The following NEBL variants were observed in gnomAD, a reference collection of about 807,000 sequenced individuals.
NEBL encodes the protein LIM and SH3 protein 2.
In NEBL, 122 loss-of-function variants were observed where a neutral mutation model predicts 140.2. The observed-to-expected ratio is 0.87, with a 90% CI of 0.75 to 1.01. The LOEUF is 1.01. NEBL is among the 50% of genes least tolerant of loss of function. NEBL has a pLI of 0.00. For synonymous variants in NEBL, 436 were observed against 398.9 expected (o/e 1.09, Z -1.11); for missense variants, 1,365 against 1,231.3 (o/e 1.11, Z -1.62).
chr10:21,196,282 G>T (rs1193626281), intron 3 of NEBL, among the ~76,000 whole-genome samples: 1 of 151,478 alleles, frequency 6.6e-6, no homozygotes, highest in South Asian at 2.1e-4. Flanking sequence ...GATTATAGGC[G>T]TGAGCCACCA....
At chr10:20,846,956 C>G (rs961620753) in intron 11 of NEBL, among the ~76,000 whole-genome samples, 1 of 151,998 alleles carries the variant, frequency 6.6e-6, no homozygotes, top group Non-Finnish European at 1.5e-5. Context: ...AAAACACACA[C>G]ATTAAGCCTA....
chr10:21,201,556 C>G (rs1291651506), intron 3 of NEBL, among the ~76,000 whole-genome samples: 1 of 152,132 alleles, frequency 6.6e-6, no homozygotes, highest in Non-Finnish European at 1.5e-5. Flanking sequence ...AAACACAAAA[C>G]TAGCTATGAA....
chr10:21,162,825 T>C (rs1459350233), intron 2 of NEBL, among the ~76,000 whole-genome samples: 1 of 152,224 alleles, frequency 6.6e-6, no homozygotes, highest in Non-Finnish European at 1.5e-5. Context: ...AAGGTAGGCA[T>C]AGCCTTACAG....
At chr10:21,209,203 G>A (rs765465523) in intron 3 of NEBL, among the ~76,000 whole-genome samples, 111 of 152,244 alleles carry the variant, frequency 7.3e-4, no homozygotes, top group Non-Finnish European at 1.2e-3. Flanking sequence ...AAGTTTAGTC[G>A]CTTTTTAAAA....
chr10:21,215,964 C>A (rs1038229059), intron 3 of NEBL, among the ~76,000 whole-genome samples: 3 of 152,222 alleles, frequency 2.0e-5, no homozygotes, highest in African/African-American at 7.2e-5. Flanking sequence ...AGCCACCGCA[C>A]CTGCCCTCCC....
At chr10:20,837,547 T>A (rs1841018368) in intron 13 of NEBL, among the ~76,000 whole-genome samples, 1 of 152,202 alleles carries the variant, frequency 6.6e-6, no homozygotes, top group South Asian at 2.1e-4. Context: ...CAGCAAGTGC[T>A]GATGGAGAAG....
At chr10:20,975,224 G>T (rs955905085) in intron 3 of NEBL, among the ~76,000 whole-genome samples, 1 of 152,166 alleles carries the variant, frequency 6.6e-6, no homozygotes, top group African/African-American at 2.4e-5. Flanking sequence ...ATTACAAAGA[G>T]AAAGAGTTAA....
chr10:21,222,897 G>A (rs1270375205), intron 3 of NEBL, among the ~76,000 whole-genome samples: 1 of 152,108 alleles, frequency 6.6e-6, no homozygotes, highest in Non-Finnish European at 1.5e-5. Flanking sequence ...CAAGTAGCTG[G>A]GACTACAGGC....
At chr10:21,219,467 A>G (rs1564544570) in intron 3 of NEBL, among the ~76,000 whole-genome samples, 1 of 152,178 alleles carries the variant, frequency 6.6e-6, no homozygotes, top group Non-Finnish European at 1.5e-5. Context: ...CATTTAAAAA[A>G]CAACTGATAT....
intron 26 of NEBL, among the ~76,000 whole-genome samples, chr10:20,795,237 A>G (rs192966902): frequency 1.0e-3 from 157 of 152,276 alleles, no homozygotes; most frequent in Admixed American, 2.1e-3. Context: ...AGAAGTGAGA[A>G]AGAGGGAAAG....
intron 3 of NEBL, among the ~76,000 whole-genome samples, chr10:21,194,558 A>T (rs1368551561): frequency 3.3e-5 from 5 of 152,108 alleles, no homozygotes; most frequent in African/African-American, 1.2e-4. Flanking sequence ...TACTCACTTA[A>T]ATGTTGTTTA....
At chr10:20,925,386 C>A (rs151104436) in intron 4 of NEBL, among the ~76,000 whole-genome samples, 246 of 152,210 alleles carry the variant, frequency 1.6e-3, no homozygotes, top group South Asian at 4.8e-3. Context: ...AGCAAAAGTT[C>A]ATCTTTCCCC....
chr10:21,239,226 G>A (rs1186004967), intron 3 of NEBL, among the ~76,000 whole-genome samples: 4 of 152,056 alleles, frequency 2.6e-5, no homozygotes, highest in Admixed American at 6.6e-5. Flanking sequence ...TCCTGGTGAG[G>A]TGGCAAACAT....
At chr10:21,169,595 C>A (rs1840989190) in intron 2 of NEBL, among the ~76,000 whole-genome samples, 1 of 152,156 alleles carries the variant, frequency 6.6e-6, no homozygotes, top group Non-Finnish European at 1.5e-5. Context: ...GCCCAGAACC[C>A]TCTTAGCAGA....
intron 10 of NEBL, 71 bp downstream of exon 10, chr10:20,852,474 T>C (rs971321178): frequency 2.1e-6 from 2 of 959,230 alleles, no homozygotes; most frequent in Admixed American, 3.4e-5. Context: ...CGCACGGCAG[T>C]GAGCGGCGGG....
In NEBL at chr10:21,213,881, A is replaced by G. The variant is rs61104274; in HGVS notation, n.348+34040T>C. 4.1e-4 allele frequency among the ~76,000 whole-genome samples: 63 copies of G among 152,316 alleles called. 1 individual carries two copies. Among genetic ancestry groups the G allele is most frequent in the African/African-American group, 1.5e-3 (62 of 41,570 alleles). On this transcript the variant is annotated intron_variant and non_coding_transcript_variant, in intron 3 of 8. Coordinates refer to the NEBL transcript ENST00000675702. ...CCAGAGGAAGTCCAACAAGCTCGAG[A>G]CACCACACATCATTTGCGAGGGAAA...
intron 3 of NEBL, among the ~76,000 whole-genome samples, chr10:21,224,117 T>C (rs1411483521): frequency 6.6e-6 from 1 of 152,222 alleles, no homozygotes; most frequent in Non-Finnish European, 1.5e-5. Flanking sequence ...GTTTCTCCAA[T>C]GTTTTCGTTT....
chr10:21,064,335 C>T (rs977628485), intron 2 of NEBL, among the ~76,000 whole-genome samples: 1 of 152,066 alleles, frequency 6.6e-6, no homozygotes, highest in African/African-American at 2.4e-5. Context: ...CACTGCAAAG[C>T]CCAGATAAGC....
rs35574671 is a variant in NEBL, at chr10:21,024,509, CA to C, written c.165-4309del. The stretch of plus-strand genomic sequence containing the variant: ...CAAAATGCAAGAGAATAAGATCTTC[CA>C]AAAAAAAAAAAAGAAGGCTTAACTA... On this transcript the variant is annotated intron_variant, in intron 2 of 6. Coordinates refer to the NEBL transcript ENST00000417816. Among the ~76,000 whole-genome samples the C allele has an allele frequency of 4.6e-3, 538 of 116,378 alleles. 2 individuals are homozygous for C. Among genetic ancestry groups the C allele is most frequent in the African/African-American group, 1.0e-2 (310 of 31,122 alleles). 76.3% of individuals were successfully genotyped at this position (116,378 alleles called of 152,430 possible).
Sources: gnomAD v4.1 joint callset for allele counts (sites outside exome capture counted in the v4.1 genomes callset) on GRCh38, gnomAD v4.1.1 for gene constraint, MANE v1.5 for transcripts, NCBI Gene and HGNC (gene_info 2026-07-23, HGNC 2026-07-21) for gene names.